LDLRAD4: variants seen among roughly 807,000 people sequenced by gnomAD.
The protein encoded by LDLRAD4 is low-density lipoprotein receptor class A domain-containing protein 4.
LDLRAD4 carries 5 observed loss-of-function variants against 17.0 expected under a neutral mutation model. The observed-to-expected ratio is 0.29, with a 90% CI of 0.15 to 0.62. The LOEUF is 0.62. Ranked by LOEUF, LDLRAD4 falls within the 20% of genes least tolerant of loss-of-function variation. The pLI, the probability that LDLRAD4 is intolerant of heterozygous loss-of-function variation, is 0.84. For synonymous variants in LDLRAD4, 168 were observed against 171.8 expected, an observed-to-expected ratio of 0.98 and a Z score of 0.17; for missense variants, 340 against 424.7, an observed-to-expected ratio of 0.80 and a Z score of 1.75.
chr18:13,646,164 G>GC (rs1246062312), exon 6 of LDLRAD4: 1 of 152,992 alleles, frequency 6.5e-6, no homozygotes, highest in South Asian at 2.1e-4. Context: ...TGTGTTGTGT[G>GC]CCAAGGTATA....
chr18:13,492,911 C>T (rs997931101), intron 3 of LDLRAD4, among the ~76,000 whole-genome samples: 2 of 152,186 alleles, frequency 1.3e-5, no homozygotes, highest in Non-Finnish European at 2.9e-5. Context: ...GGGAGGATCG[C>T]TGTGCTACCA....
At chr18:13,427,203 C>G (rs1600189805) in intron 2 of LDLRAD4, among the ~76,000 whole-genome samples, 1 of 150,700 alleles carries the variant, frequency 6.6e-6, no homozygotes, top group Admixed American at 6.6e-5. Flanking sequence ...AATAAACAAA[C>G]AAATAAATAA....
intron 1 of LDLRAD4, among the ~76,000 whole-genome samples, chr18:13,375,176 G>A (rs1352737574): frequency 1.3e-5 from 2 of 152,190 alleles, no homozygotes; most frequent in Admixed American, 6.5e-5. Context: ...TTACCTCTAG[G>A]CCAGGGGTCC....
At chr18:13,368,384 G>A (rs2084224552) in intron 1 of LDLRAD4, among the ~76,000 whole-genome samples, 1 of 152,180 alleles carries the variant, frequency 6.6e-6, no homozygotes. Flanking sequence ...GTGGGCATGT[G>A]AGGTGTGCAC....
At chr18:13,231,497 C>G (rs1157233691) in intron 1 of LDLRAD4, among the ~76,000 whole-genome samples, 1 of 152,134 alleles carries the variant, frequency 6.6e-6, no homozygotes, top group Non-Finnish European at 1.5e-5. Flanking sequence ...ATCAACCAGC[C>G]ACGAATGGTA....
At chr18:13,224,075 C>T (rs981757568) in intron 1 of LDLRAD4, among the ~76,000 whole-genome samples, 4 of 152,184 alleles carry the variant, frequency 2.6e-5, no homozygotes, top group African/African-American at 9.7e-5. Context: ...GTGCTGTAGC[C>T]CTCCCTCCCC....
intron 1 of LDLRAD4, among the ~76,000 whole-genome samples, chr18:13,373,361 G>A (rs2084664512): frequency 6.6e-6 from 1 of 151,930 alleles, no homozygotes; most frequent in Non-Finnish European, 1.5e-5. Flanking sequence ...GTGTATTTTT[G>A]CTTCAGTGGA....
chr18:13,464,478 G>A (rs1180679998), intron 3 of LDLRAD4, among the ~76,000 whole-genome samples: 1 of 152,138 alleles, frequency 6.6e-6, no homozygotes, highest in African/African-American at 2.4e-5. Context: ...AGATACTTGG[G>A]TTTTTCATAT....
At chr18:13,377,052 C>T (rs2084963960) in intron 1 of LDLRAD4, among the ~76,000 whole-genome samples, 2 of 152,342 alleles carry the variant, frequency 1.3e-5, no homozygotes, top group South Asian at 2.1e-4. Flanking sequence ...TCAGGAAGCT[C>T]TCTCAGTGCT....
At chr18:13,557,123 A>G (rs1326350110) in intron 3 of LDLRAD4, among the ~76,000 whole-genome samples, 1 of 151,448 alleles carries the variant, frequency 6.6e-6, no homozygotes, top group African/African-American at 2.4e-5. Flanking sequence ...CGCAAACCCT[A>G]TCTTTACAAA....
At chr18:13,354,450 T>G (rs896022362) in intron 1 of LDLRAD4, among the ~76,000 whole-genome samples, 1 of 152,220 alleles carries the variant, frequency 6.6e-6, no homozygotes, top group African/African-American at 2.4e-5. Flanking sequence ...TTTATTGCTG[T>G]TGGGTGCATT....
chr18:13,527,604 C>T (rs568516876), intron 3 of LDLRAD4, among the ~76,000 whole-genome samples: 19 of 152,338 alleles, frequency 1.2e-4, no homozygotes, highest in South Asian at 1.2e-3. Flanking sequence ...TTCTGCTCAC[C>T]GGCCCCTCTA....
intron 4 of LDLRAD4, among the ~76,000 whole-genome samples, chr18:13,634,612 A>C (rs1221593032): frequency 6.6e-6 from 1 of 152,210 alleles, no homozygotes; most frequent in African/African-American, 2.4e-5. Flanking sequence ...GAATTGGAAG[A>C]CTTAACTATT....
At chr18:13,245,811 T>C (rs1301193584) in intron 1 of LDLRAD4, among the ~76,000 whole-genome samples, 3 of 152,216 alleles carry the variant, frequency 2.0e-5, no homozygotes, top group African/African-American at 7.2e-5. Flanking sequence ...TGCTGGCTGT[T>C]CTCCAGCCTC....
intron 1 of LDLRAD4, among the ~76,000 whole-genome samples, chr18:13,356,037 T>C (rs2083317549): frequency 1.3e-5 from 2 of 152,240 alleles, no homozygotes; most frequent in South Asian, 2.1e-4. Context: ...AGTGTGGGAT[T>C]GGGCAGTGGA....
intron 1 of LDLRAD4, among the ~76,000 whole-genome samples, chr18:13,321,890 A>G (rs1272353685): frequency 8.5e-6 from 1 of 118,302 alleles, no homozygotes; most frequent in Non-Finnish European, 1.7e-5. Context: ...AAAAAAAAAA[A>G]AAAAAAAAAA....
At chr18:13,436,676 T>C (rs1600255628) in intron 2 of LDLRAD4, among the ~76,000 whole-genome samples, 2 of 152,246 alleles carry the variant, frequency 1.3e-5, no homozygotes, top group East Asian at 3.8e-4. Flanking sequence ...TGTTACTTAG[T>C]AAATGTGATT....
chr18:13,251,048 C>T (rs920317950), intron 1 of LDLRAD4, among the ~76,000 whole-genome samples: 1 of 152,130 alleles, frequency 6.6e-6, no homozygotes, highest in African/African-American at 2.4e-5. Flanking sequence ...GGGATTCATC[C>T]CAGGGATGCA....
At chr18:13,347,794 CT>C (rs1283423829) in intron 1 of LDLRAD4, among the ~76,000 whole-genome samples, 3 of 152,138 alleles carry the variant, frequency 2.0e-5, no homozygotes, top group Admixed American at 2.0e-4. Flanking sequence ...TTTCTCTACA[CT>C]TCTCTTCTTG....
Sources: allele counts gnomAD v4.1 joint callset (sites outside exome capture counted in the v4.1 genomes callset), GRCh38; gene constraint gnomAD v4.1.1; transcripts MANE v1.5; gene names NCBI Gene and HGNC (gene_info 2026-07-23, HGNC 2026-07-21).